The following RXRA variants were observed in gnomAD, a reference collection of about 807,000 sequenced individuals.
RXRA encodes the protein retinoid X receptor alpha.
Under a neutral mutation model 44.5 loss-of-function variants are expected in RXRA, and 5 were observed. The observed-to-expected ratio is 0.11, with a 90% CI of 0.06 to 0.24. The LOEUF (loss-of-function observed/expected upper bound fraction) is 0.24, where lower values mean the gene tolerates loss of function less well. Ranked by LOEUF, RXRA falls within the 10% of genes least tolerant of loss-of-function variation. The pLI is 1.00. For missense variants in RXRA, 412 were observed against 646.5 expected, an observed-to-expected ratio of 0.64 and a Z score of 3.93; for synonymous variants, 291 against 271.4, an observed-to-expected ratio of 1.07 and a Z score of -0.71.
In RXRA at chr9:134,407,654, G is replaced by C. The variant is rs1261747667; in HGVS notation, c.280-495G>C. ...GGCCCCTGCCCTGCGGTGTTGTGGG[G>C]TGTATGTGTGGTTCTTGGGGGGGTC... is the stretch of plus-strand genomic sequence containing the variant. On this transcript the variant is annotated intron_variant, in intron 2 of 9. Coordinates refer to ENST00000481739, the MANE Select transcript of RXRA (RefSeq NM_002957.6). This position sits in a 1 kb window ranked among gnomAD's most constrained non-coding sequence, Gnocchi z 4.8. Among the ~76,000 whole-genome samples the C allele has an allele frequency of 6.6e-6, 1 of 151,996 alleles. No homozygotes were observed. The highest frequency in any genetic ancestry group is 2.1e-4 in the South Asian group (1 of 4,828).
chr9:134,346,573 C>G (rs1264727721), intron 1 of RXRA, among the ~76,000 whole-genome samples: 2 of 152,210 alleles, frequency 1.3e-5, no homozygotes, highest in African/African-American at 4.8e-5. Context: ...GCTCTGGGGA[C>G]TAGGGGTGCC....
chr9:134,350,448 C>T (rs782725247), intron 1 of RXRA, among the ~76,000 whole-genome samples: 4 of 152,166 alleles, frequency 2.6e-5, no homozygotes, highest in Admixed American at 6.5e-5. Context: ...ACCTGCGTGG[C>T]GTGCTGGTGG....
Position 134,426,184 on chromosome 9 carries a change from G to T in RXRA, c.911-2924G>T. ...GTCCTGCGCTTGGAGCCTGGAGTAAGACCTGGTATCCTCTGCATCACTGAG... is the reference window on the plus strand; with the variant it reads ...GTCCTGCGCTTGGAGCCTGGAGTAATACCTGGTATCCTCTGCATCACTGAG... On this transcript the variant is annotated intron_variant, in intron 6 of 9. Coordinates refer to ENST00000481739, the MANE Select transcript of RXRA (RefSeq NM_002957.6). This position sits in a 1 kb window ranked among gnomAD's most constrained non-coding sequence, Gnocchi z 4.6. 1.0e-6 allele frequency: 1 copy of T among 985,446 alleles called. No individual in the cohort carries two copies. Among genetic ancestry groups the T allele is most frequent in the Non-Finnish European group, 1.2e-6 (1 of 829,940 alleles). 61.0% of individuals were successfully genotyped at this position (985,446 alleles called of 1,614,324 possible). A position where few individuals can be genotyped will look rare whatever the true frequency, so the allele number is the denominator to read the frequency against.
chr9:134,364,246 G>A (rs1830387519), intron 1 of RXRA, among the ~76,000 whole-genome samples: 2 of 152,232 alleles, frequency 1.3e-5, no homozygotes, highest in South Asian at 4.1e-4. Flanking sequence ...TGCAAAAGCC[G>A]TGCGGTGGGA....
At position 134,434,185 on chromosome 9, in the gene RXRA, A is replaced by C. The variant is rs1211118098; in HGVS notation, c.1219A>C (p.Lys407Gln). The change falls in exon 9 of 10, where the codon AAG (lysine) becomes CAG (glutamine). Residue 407 changes from lysine to glutamine, a missense_variant. Physicochemically the swap from Lys to Gln is moderately conservative, Grantham distance 53. Around this residue, in one of 4 missense-constraint regions of RXRA, gnomAD observed 141 missense variants for 270.8 expected, o/e 0.52. Coordinates refer to ENST00000481739, the MANE Select transcript of RXRA (RefSeq NM_002957.6). ...GTCCTTGGAGGCCTACTGCAAGCAC[A>C]AGTACCCAGAGCAGCCGGGAAGGTG... is the stretch of plus-strand genomic sequence containing the variant. ...YASLEAYCKH[K>Q]YPEQPGRFAK... is the part of the protein sequence containing the mutation. 1.9e-6 allele frequency: 3 copies of C among 1,613,328 alleles called. No homozygotes were observed. The highest frequency in any genetic ancestry group is 4.5e-5 in the East Asian group (2 of 44,840).
At position 134,439,888 on chromosome 9, in the gene RXRA, C is replaced by T. The variant is rs1831702268; in HGVS notation, c.*3274C>T. On this transcript the variant is annotated 3_prime_UTR_variant, in exon 10 of 10. Transcript: ENST00000481739. ...TTCGTGTAAGCAAGTACATAAGGAC[C>T]CTCCTTTGGTGAAATCCGGGTTCGA... 2 of 152,386 alleles carry T rather than the reference C, an allele frequency of 1.3e-5. No homozygotes were observed. Among genetic ancestry groups the T allele is most frequent in the Admixed American group, 1.3e-4 (2 of 15,284 alleles). 9.4% of individuals were successfully genotyped at this position (152,386 alleles called of 1,614,324 possible). A position where few individuals can be genotyped will look rare whatever the true frequency, so the allele number is the denominator to read the frequency against.
At chr9:134,397,975 T>A (rs566413663) in intron 1 of RXRA, among the ~76,000 whole-genome samples, 1 of 152,254 alleles carries the variant, frequency 6.6e-6, no homozygotes, top group African/African-American at 2.4e-5. Context: ...AGTAGGATTT[T>A]TTTATTTTTT....
intron 5 of RXRA, among the ~76,000 whole-genome samples, chr9:134,421,325 C>G (rs1831326586): frequency 1.3e-5 from 2 of 152,172 alleles, no homozygotes; most frequent in Non-Finnish European, 2.9e-5. Flanking sequence ...CTTCCTCCAC[C>G]TTCAAACCCA....
chr9:134,413,544 G>T (rs571463374), intron 4 of RXRA, among the ~76,000 whole-genome samples: 56 of 152,322 alleles, frequency 3.7e-4, no homozygotes, highest in Non-Finnish European at 2.9e-4. Context: ...GAGGAGGCCA[G>T]AATGGTTTGG....
chr9:134,408,909 C>T, intron 3 of RXRA, 31 bp from the exon 4 acceptor site: 2 of 1,436,454 alleles, frequency 1.4e-6, no homozygotes, highest in East Asian at 2.7e-5. Context: ...GCGGTGGGTG[C>T]TCCCCAGCCC....
chr9:134,379,396 G>A (rs759536770), intron 1 of RXRA: 16 of 987,386 alleles, frequency 1.6e-5, no homozygotes, highest in Non-Finnish European at 1.8e-5. Context: ...TGCTTCTGGG[G>A]CACCCTGAGA....
chr9:134,412,939 C>T (rs1831172704), intron 4 of RXRA, among the ~76,000 whole-genome samples: 2 of 152,256 alleles, frequency 1.3e-5, no homozygotes, highest in African/African-American at 4.8e-5. Flanking sequence ...GCCCACCCTC[C>T]AGCTCTGAAG....
In RXRA at chr9:134,423,689, C is replaced by T. The variant is rs148457000; in HGVS notation, c.910+1884C>T. On this transcript the variant is annotated intron_variant, in intron 6 of 9. Transcript: ENST00000481739. ...TGAGGCATGTGGCTGTCTGCCGTTG[C>T]GGGCTCAGACTTCTTTCAGGGTATG... 34 of 985,480 alleles carry T rather than the reference C, an allele frequency of 3.5e-5. No individual in the cohort carries two copies. The East Asian group carries it at 7.9e-4, about 23-fold the overall frequency. 61.0% of individuals were successfully genotyped at this position (985,480 alleles called of 1,614,324 possible).
At chr9:134,405,653 A>G (rs1368075077) in intron 2 of RXRA, 1 of 152,382 alleles carries the variant, frequency 6.6e-6, no homozygotes, top group Non-Finnish European at 1.5e-5. Flanking sequence ...GACAGCCTAG[A>G]AAGAGGAAGT....
chr9:134,379,914 T>C (rs1213635117), intron 1 of RXRA: 3 of 985,228 alleles, frequency 3.0e-6, no homozygotes, highest in Admixed American at 1.2e-4. Flanking sequence ...GGAGGCCTGC[T>C]GGTCTCTGGG....
chr9:134,431,807 C>T, intron 7 of RXRA, 98 bp from the exon 8 acceptor site: 1 of 916,416 alleles, frequency 1.1e-6, no homozygotes, highest in Non-Finnish European at 1.7e-6. Flanking sequence ...GGCCCTCGGG[C>T]CACGCCGGGC....
chr9:134,413,266 T>A (rs981739679), intron 4 of RXRA, among the ~76,000 whole-genome samples: 1 of 151,554 alleles, frequency 6.6e-6, no homozygotes, highest in Non-Finnish European at 1.5e-5. Context: ...TGGGTGTGGG[T>A]GTGGTATGTC....
rs1179150479 is a variant in RXRA, at chr9:134,433,693, G to T, written c.1136-409G>T. On this transcript the variant is annotated intron_variant, in intron 8 of 9. Coordinates refer to ENST00000481739, the MANE Select transcript of RXRA (RefSeq NM_002957.6). This position sits in a 1 kb window ranked among gnomAD's most constrained non-coding sequence, Gnocchi z 4.2. ...TCTGGGTACTCCTGGGGGCAGCAGC[G>T]CTATCTCCCATCCATGTTATGGGGC... 6.6e-6 allele frequency among the ~76,000 whole-genome samples: 1 copy of T among 151,670 alleles called. No individual in the cohort carries two copies. Among genetic ancestry groups the T allele is most frequent in the South Asian group, 2.1e-4 (1 of 4,808 alleles).
At chr9:134,392,767 C>T (rs866873426) in intron 1 of RXRA, among the ~76,000 whole-genome samples, 1 of 152,188 alleles carries the variant, frequency 6.6e-6, no homozygotes, top group Non-Finnish European at 1.5e-5. Context: ...CTGGTCCTGG[C>T]CCCTGGGTTC....
Sources: allele counts gnomAD v4.1 joint callset (sites outside exome capture counted in the v4.1 genomes callset), GRCh38; gene constraint gnomAD v4.1.1; regional missense constraint gnomAD v4.1.1; non-coding constraint Gnocchi (gnomAD v3.1); transcripts MANE v1.5; gene names NCBI Gene and HGNC (gene_info 2026-07-23, HGNC 2026-07-21).